The following KCNN2 variants were observed in gnomAD, a reference collection of about 807,000 sequenced individuals.
KCNN2 encodes the protein potassium calcium-activated channel subfamily N member 2, also known as small conductance calcium-activated potassium channel protein 2.
Under a neutral mutation model 55.5 loss-of-function variants are expected in KCNN2, and 24 were observed. That is an observed-to-expected ratio of 0.43 (90% confidence interval 0.31 to 0.61). The LOEUF (loss-of-function observed/expected upper bound fraction) is 0.61, where lower values mean the gene tolerates loss of function less well. KCNN2 is among the 20% of genes least tolerant of loss of function. The pLI is 0.08. For synonymous variants in KCNN2, 431 were observed against 336.1 expected, an observed-to-expected ratio of 1.28 and a Z score of -3.09; for missense variants, 754 against 853.6, an observed-to-expected ratio of 0.88 and a Z score of 1.45.
chr5:114,275,586 A>T (rs1755469068), intron 2 of KCNN2, among the ~76,000 whole-genome samples: 1 of 152,074 alleles, frequency 6.6e-6, no homozygotes, highest in African/African-American at 2.4e-5. Context: ...CCAGGAATTT[A>T]TCCATTTCTT....
At chr5:114,160,410 T>G (rs2112529755) in intron 1 of KCNN2, among the ~76,000 whole-genome samples, 1 of 152,226 alleles carries the variant, frequency 6.6e-6, no homozygotes, top group East Asian at 1.9e-4. Flanking sequence ...TGCTGAGGAG[T>G]GCTTTACTTC....
At chr5:114,125,371 T>A (rs896662547) in intron 1 of KCNN2, among the ~76,000 whole-genome samples, 3 of 152,230 alleles carry the variant, frequency 2.0e-5, no homozygotes, top group African/African-American at 7.2e-5. Context: ...TTTTATATCC[T>A]GTTGCATTAG....
chr5:114,205,277 A>T (rs1279574092), intron 1 of KCNN2, among the ~76,000 whole-genome samples: 1 of 152,238 alleles, frequency 6.6e-6, no homozygotes, highest in African/African-American at 2.4e-5. Context: ...AAAATCACAC[A>T]GTGTGAAAGA....
chr5:114,227,246 G>T (rs1754255387), intron 2 of KCNN2, among the ~76,000 whole-genome samples: 2 of 152,158 alleles, frequency 1.3e-5, no homozygotes, highest in African/African-American at 4.8e-5. Context: ...ATGAAGGAAT[G>T]AGTGAGTGCC....
At chr5:114,066,156 G>C (rs1345245144) in intron 1 of KCNN2, among the ~76,000 whole-genome samples, 1 of 152,114 alleles carries the variant, frequency 6.6e-6, no homozygotes, top group Non-Finnish European at 1.5e-5. Flanking sequence ...TAGCACAAAG[G>C]CCATGGGATA....
chr5:114,454,091 G>A (rs944636944), intron 3 of KCNN2, among the ~76,000 whole-genome samples: 5 of 152,042 alleles, frequency 3.3e-5, no homozygotes, highest in East Asian at 1.9e-4. Context: ...TTCTGTTCCC[G>A]TGTTAGTTTG....
chr5:114,356,103 A>G (rs1211970537), intron 2 of KCNN2, among the ~76,000 whole-genome samples: 1 of 152,166 alleles, frequency 6.6e-6, no homozygotes, highest in Admixed American at 6.5e-5. Flanking sequence ...AAGAAGAGCT[A>G]GCAGAGTGTA....
chr5:114,445,252 G>A (rs1760359569), intron 3 of KCNN2, among the ~76,000 whole-genome samples: 1 of 152,056 alleles, frequency 6.6e-6, no homozygotes, highest in Admixed American at 6.6e-5. Context: ...TATGTAAATT[G>A]GATCAAATAA....
intron 1 of KCNN2, among the ~76,000 whole-genome samples, chr5:114,124,915 T>G (rs2112602568): frequency 6.6e-6 from 1 of 152,308 alleles, no homozygotes. Flanking sequence ...AATACTTTAT[T>G]TATTTATCTT....
intron 1 of KCNN2, among the ~76,000 whole-genome samples, chr5:114,144,565 G>A (rs1030566878): frequency 6.6e-6 from 1 of 151,996 alleles, no homozygotes; most frequent in African/African-American, 2.4e-5. Flanking sequence ...GCCTATGTAA[G>A]GCTACGGGGA....
At chr5:114,136,033 G>C (rs927856038) in intron 1 of KCNN2, among the ~76,000 whole-genome samples, 1 of 152,074 alleles carries the variant, frequency 6.6e-6, no homozygotes, top group African/African-American at 2.4e-5. Context: ...AAAATTTCCA[G>C]AATTAAAGAA....
At chr5:114,169,423 A>T (rs1369842902) in intron 1 of KCNN2, among the ~76,000 whole-genome samples, 1 of 152,084 alleles carries the variant, frequency 6.6e-6, no homozygotes, top group Non-Finnish European at 1.5e-5. Context: ...GTGGTACAGG[A>T]CATATGAAAA....
At chr5:114,203,547 GA>G (rs749367778) in intron 1 of KCNN2, among the ~76,000 whole-genome samples, 4 of 152,000 alleles carry the variant, frequency 2.6e-5, no homozygotes, top group Non-Finnish European at 5.9e-5. Flanking sequence ...ATCTCATCCT[GA>G]CCTTTGAGTC....
At chr5:114,114,029 G>C (rs1321333682) in intron 1 of KCNN2, among the ~76,000 whole-genome samples, 1 of 151,974 alleles carries the variant, frequency 6.6e-6, no homozygotes, top group East Asian at 1.9e-4. Flanking sequence ...TAACCCACTG[G>C]GTAAACAACT....
At chr5:114,241,505 G>A (rs946324752) in intron 2 of KCNN2, among the ~76,000 whole-genome samples, 7 of 151,346 alleles carry the variant, frequency 4.6e-5, no homozygotes, top group South Asian at 2.1e-4. Context: ...GTATTAATAC[G>A]TATAGGAAGT....
intron 2 of KCNN2, among the ~76,000 whole-genome samples, chr5:114,295,320 G>A (rs1157630554): frequency 6.6e-6 from 1 of 152,202 alleles, no homozygotes; most frequent in Non-Finnish European, 1.5e-5. Context: ...TACAGAGGCA[G>A]GAAGGCCTCC....
intron 2 of KCNN2, among the ~76,000 whole-genome samples, chr5:114,227,583 A>T (rs962354604): frequency 6.6e-6 from 1 of 152,186 alleles, no homozygotes; most frequent in Non-Finnish European, 1.5e-5. Flanking sequence ...GAGCACCATC[A>T]TTGTGCCTTG....
At chr5:114,254,376 A>G (rs1040068293) in intron 2 of KCNN2, among the ~76,000 whole-genome samples, 8 of 152,200 alleles carry the variant, frequency 5.3e-5, no homozygotes, top group Non-Finnish European at 1.2e-4. Context: ...TGTTTATTTT[A>G]CTTATCTTGA....
intron 1 of KCNN2, among the ~76,000 whole-genome samples, chr5:114,165,329 C>G (rs564661238): frequency 4.6e-5 from 7 of 152,272 alleles, no homozygotes; most frequent in Non-Finnish European, 1.0e-4. Flanking sequence ...GAGGATGAAG[C>G]CTTTGTGATG....
Sources: gnomAD v4.1 joint callset for allele counts (sites outside exome capture counted in the v4.1 genomes callset) on GRCh38, gnomAD v4.1.1 for gene constraint, MANE v1.5 for transcripts, NCBI Gene and HGNC (gene_info 2026-07-23, HGNC 2026-07-21) for gene names.